NAV2: variants seen among roughly 807,000 people sequenced by gnomAD.
NAV2 encodes neuron navigator 2.
A neutral mutation model predicts 223.2 loss-of-function variants in NAV2; 54 were observed. That is an observed-to-expected ratio of 0.24 (90% CI 0.19 to 0.30). The LOEUF (loss-of-function observed/expected upper bound fraction) is 0.30, where lower values mean the gene tolerates loss of function less well. NAV2 is among the 10% of genes least tolerant of loss of function. The pLI, the probability that NAV2 is intolerant of heterozygous loss-of-function variation, is 1.00. For synonymous variants in NAV2, 1,279 were observed against 1,239.3 expected (o/e 1.03, Z -0.67); for missense variants, 2,806 against 3,147.5 (o/e 0.89, Z 2.60).
chr11:19,625,408 A>G (rs900510605), intron 1 of NAV2, among the ~76,000 whole-genome samples: 9 of 152,214 alleles, frequency 5.9e-5, no homozygotes, highest in African/African-American at 2.2e-4. Context: ...ATGGCTGAAT[A>G]GTATTCCATG....
At chr11:19,611,915 CT>C (rs1412569183) in intron 1 of NAV2, among the ~76,000 whole-genome samples, 3 of 152,238 alleles carry the variant, frequency 2.0e-5, no homozygotes, top group Admixed American at 6.5e-5. Flanking sequence ...CCATATTTTC[CT>C]TCTGTACTGC....
intron 1 of NAV2, among the ~76,000 whole-genome samples, chr11:19,421,520 A>C (rs2133496846): frequency 6.6e-6 from 1 of 152,338 alleles, no homozygotes; most frequent in East Asian, 1.9e-4. Context: ...TAATCAGTGC[A>C]CTAAACCCTT....
intron 1 of NAV2, among the ~76,000 whole-genome samples, chr11:19,509,254 T>C (rs1317417595): frequency 3.0e-4 from 46 of 151,358 alleles, no homozygotes. Context: ...CGTCCCCTAT[T>C]GTTTATTAGT....
intron 22 of NAV2, among the ~76,000 whole-genome samples, chr11:20,073,101 A>G (rs958127123): frequency 6.6e-6 from 1 of 152,158 alleles, no homozygotes; most frequent in Non-Finnish European, 1.5e-5. Context: ...TTATTTTGAG[A>G]TACATTCCAT....
At chr11:19,414,794 A>G (rs569530124) in intron 1 of NAV2, among the ~76,000 whole-genome samples, 72 of 152,252 alleles carry the variant, frequency 4.7e-4, no homozygotes, top group African/African-American at 1.7e-3. Context: ...AAGAAACTCA[A>G]TCAAAACTGC....
chr11:20,022,472 C>A, intron 11 of NAV2: 1 of 878,954 alleles, frequency 1.1e-6, no homozygotes, highest in African/African-American at 1.8e-5. Flanking sequence ...ATTGACATCA[C>A]CGGAAATAAT....
intron 1 of NAV2, among the ~76,000 whole-genome samples, chr11:19,792,530 T>C (rs922025732): frequency 6.6e-6 from 1 of 152,124 alleles, no homozygotes; most frequent in Admixed American, 6.5e-5. Flanking sequence ...AAACCTCTAT[T>C]CCTCCTTGCT....
In NAV2 at chr11:19,933,074, T is replaced by G; in HGVS notation, c.932-102T>G. 7.4e-7 allele frequency: 1 copy of G among 1,357,432 alleles called. No homozygotes were observed. The highest frequency in any genetic ancestry group is 9.7e-7 in the Non-Finnish European group (1 of 1,026,790). The allele number at this position is 1,357,432 out of a possible 1,614,324, so 84.1% of individuals were successfully genotyped here. ...AGTGGGCAATGGAGCTATACGGCAT[T>G]TGGGTTGGGAGTGATTGGTTGTGTG... On this transcript the variant is annotated intron_variant, in intron 6 of 37. Transcript: ENST00000349880. The surrounding 1 kb of genome is among the most constrained non-coding windows in gnomAD (Gnocchi z 4.3).
At position 20,049,823 on chromosome 11, in the gene NAV2, C is replaced by T. The variant is rs368235941; in HGVS notation, c.4371-13C>T. On this transcript the variant is annotated splice_polypyrimidine_tract_variant and intron_variant, in intron 15 of 37. Transcript: ENST00000349880. ...CGTTCCTTCTCTTGTTTTCTACCTG[C>T]CTGGACTTCTAGCCCTCTCTCTTCC... The T allele has an allele frequency of 4.0e-5, 65 of 1,613,576 alleles. 1 individual carries two copies. The South Asian group carries it at 5.2e-4, about 13-fold the overall frequency.
intron 1 of NAV2, among the ~76,000 whole-genome samples, chr11:19,801,797 T>G: frequency 6.6e-6 from 1 of 152,168 alleles, no homozygotes; most frequent in East Asian, 1.9e-4. Flanking sequence ...TCCTATTTTT[T>G]CAAAATGTGA....
At chr11:20,022,886 C>T (rs1003173009) in intron 11 of NAV2, 11 of 1,371,180 alleles carry the variant, frequency 8.0e-6, no homozygotes, top group Non-Finnish European at 1.0e-5. Context: ...ACCTCTCGAT[C>T]CTTCAGCACT....
chr11:20,097,092 A>G (rs1358242942), intron 30 of NAV2, among the ~76,000 whole-genome samples: 1 of 152,140 alleles, frequency 6.6e-6, no homozygotes, highest in Non-Finnish European at 1.5e-5. Flanking sequence ...CAAATTAAAC[A>G]CACGTTTTCC....
chr11:19,599,197 G>A (rs1325265653), intron 1 of NAV2, among the ~76,000 whole-genome samples: 2 of 152,228 alleles, frequency 1.3e-5, no homozygotes, highest in African/African-American at 4.8e-5. Flanking sequence ...GTCAAGGGAA[G>A]ATGTCACACT....
chr11:19,792,647 G>T (rs923305576), intron 1 of NAV2, among the ~76,000 whole-genome samples: 5 of 152,150 alleles, frequency 3.3e-5, no homozygotes, highest in African/African-American at 1.2e-4. Flanking sequence ...GCAGGCTCTG[G>T]TTTATGTCTC....
intron 1 of NAV2, among the ~76,000 whole-genome samples, chr11:19,696,285 T>C (rs967103699): frequency 6.6e-6 from 1 of 152,236 alleles, no homozygotes; most frequent in Non-Finnish European, 1.5e-5. Flanking sequence ...TGGAATTAGG[T>C]GTGAGGATTC....
intron 6 of NAV2, among the ~76,000 whole-genome samples, chr11:19,932,165 G>A (rs1257979027): frequency 7.7e-6 from 1 of 130,676 alleles, no homozygotes; most frequent in Non-Finnish European, 1.6e-5. Context: ...CCAAGGGGAA[G>A]CCTTGACTTT....
intron 1 of NAV2, among the ~76,000 whole-genome samples, chr11:19,592,630 A>G (rs894204746): frequency 3.3e-5 from 5 of 152,144 alleles, no homozygotes; most frequent in Non-Finnish European, 7.4e-5. Flanking sequence ...AAACTTAGAC[A>G]AGTTATCTAA....
intron 1 of NAV2, among the ~76,000 whole-genome samples, chr11:19,560,599 T>C (rs1213728726): frequency 6.6e-6 from 1 of 152,254 alleles, no homozygotes; most frequent in Non-Finnish European, 1.5e-5. Context: ...ATGCTGTGAA[T>C]ATAAGTTTAT....
In NAV2 at chr11:19,933,715, A is replaced by C. The variant is rs764638111; in HGVS notation, c.1471A>C (p.Lys491Gln). The change falls in exon 7 of 38, where the codon AAA becomes CAA. Residue 491 changes from lysine (K) to glutamine (Q), a missense_variant. Transcript: ENST00000349880. The surrounding 1 kb of genome is among the most constrained non-coding windows in gnomAD (Gnocchi z 4.3). ...SLKGNEKEKE[K>Q]QQREKDKEKS... ...GAAAGGCAATGAGAAAGAGAAGGAGAAACAACAGCGGGAGAAGGATAAGGA... is the reference window on the plus strand; with the variant it reads ...GAAAGGCAATGAGAAAGAGAAGGAGCAACAACAGCGGGAGAAGGATAAGGA... 3.1e-6 allele frequency: 5 copies of C among 1,614,202 alleles called. No homozygotes were observed. The highest frequency in any genetic ancestry group is 4.2e-6 in the Non-Finnish European group (5 of 1,180,038).
Sources: gnomAD v4.1 joint callset for allele counts (sites outside exome capture counted in the v4.1 genomes callset) on GRCh38, gnomAD v4.1.1 for gene constraint, Gnocchi (gnomAD v3.1) non-coding constraint, MANE v1.5 for transcripts, NCBI Gene and HGNC (gene_info 2026-07-23, HGNC 2026-07-21) for gene names.